The following ITIH5 variants were observed in gnomAD, a reference collection of about 807,000 sequenced individuals.
ITIH5 encodes the protein inter-alpha-trypsin inhibitor heavy chain 5.
ITIH5 carries 65 observed loss-of-function variants against 77.5 expected under a neutral mutation model. That is an observed-to-expected ratio of 0.84 (90% CI 0.69 to 1.03). The LOEUF (loss-of-function observed/expected upper bound fraction) is 1.03. ITIH5 is among the 50% of genes least tolerant of loss of function. ITIH5 has a pLI of 0.00. For synonymous variants in ITIH5, 525 were observed against 494.3 expected (o/e 1.06, Z -0.82); for missense variants, 1,208 against 1,213.1 (o/e 1.00, Z 0.06).
chr10:7,628,368 C>T (rs1833621064), intron 5 of ITIH5, among the ~76,000 whole-genome samples: 1 of 152,242 alleles, frequency 6.6e-6, no homozygotes, highest in South Asian at 2.1e-4. Flanking sequence ...TAAATGGAAT[C>T]ATACACATGT....
At chr10:7,612,021 T>G (rs1170682657) in intron 7 of ITIH5, among the ~76,000 whole-genome samples, 1 of 152,012 alleles carries the variant, frequency 6.6e-6, no homozygotes. Flanking sequence ...TGTTATAAAT[T>G]GGCACAGACT....
intron 5 of ITIH5, among the ~76,000 whole-genome samples, chr10:7,626,710 G>C (rs1229711781): frequency 1.3e-5 from 2 of 152,168 alleles, no homozygotes; most frequent in South Asian, 2.1e-4. Flanking sequence ...TAATTTCCTA[G>C]TGCAAGCATG....
In ITIH5 at chr10:7,575,449, G is replaced by C. The variant is rs117524320; in HGVS notation, c.1978+1004C>G. Among the ~76,000 whole-genome samples the C allele has an allele frequency of 1.9e-4, 29 of 152,316 alleles. No homozygotes were observed. The East Asian group carries it at 4.1e-3, about 21-fold the overall frequency. On this transcript the variant is annotated intron_variant, in intron 10 of 13. Coordinates refer to ENST00000397146, the MANE Select transcript of ITIH5 (RefSeq NM_030569.7). ...GCAGAGTAGGGTCCGACCAAACTCAGTTTCCTCTCCTAGGAGAGAGAACTT... is the reference window on the plus strand; with the variant it reads ...GCAGAGTAGGGTCCGACCAAACTCACTTTCCTCTCCTAGGAGAGAGAACTT...
rs760629768 is a variant in ITIH5, at chr10:7,655,640, C to A, written c.126G>T (p.Leu42Phe). The A allele has an allele frequency of 6.2e-7, 1 of 1,612,430 alleles. No homozygotes were observed. The highest frequency in any genetic ancestry group is 8.5e-7 in the Non-Finnish European group (1 of 1,178,520). Reference protein sequence around the residue: ...GLRVPRQVRLLQRLKTKPLMT... With the variant: ...GLRVPRQVRLFQRLKTKPLMT... ...CCATGAATATACCTACCAGCCTCTG[C>A]AACAGTCTGACTTGCCTCGGGACCC... Residue 42 changes from leucine to phenylalanine, a missense_variant, in exon 2 of 14, where the codon TTG (leucine) becomes TTT (phenylalanine). Transcript: ENST00000397146.
chr10:7,660,652 T>A (rs1452644355), intron 1 of ITIH5, among the ~76,000 whole-genome samples: 3 of 152,200 alleles, frequency 2.0e-5, no homozygotes, highest in African/African-American at 4.8e-5. Context: ...CTTCCCAGGA[T>A]CCACCGGAGC....
At chr10:7,586,143 C>A in intron 7 of ITIH5, 74 bp from the exon 8 acceptor site, 8 of 1,322,278 alleles carry the variant, frequency 6.1e-6, no homozygotes, top group Non-Finnish European at 8.1e-6. Flanking sequence ...TAGAAACCGC[C>A]CCCGCCCCCC....
chr10:7,649,054 C>G (rs191281778), intron 2 of ITIH5, among the ~76,000 whole-genome samples: 1 of 152,096 alleles, frequency 6.6e-6, no homozygotes, highest in African/African-American at 2.4e-5. Flanking sequence ...CAATTAGGCA[C>G]GAGTCTATCC....
intron 2 of ITIH5, among the ~76,000 whole-genome samples, chr10:7,643,082 G>A (rs7074901): frequency 0.021 from 3,265 of 152,234 alleles, 125 homozygotes; most frequent in African/African-American, 0.075. Flanking sequence ...ATGCCCTTAA[G>A]AGAGGAGACA....
At chr10:7,582,088 G>A (rs191009687) in intron 8 of ITIH5, among the ~76,000 whole-genome samples, 493 of 152,016 alleles carry the variant, frequency 3.2e-3, no homozygotes, top group Middle Eastern at 0.031. Flanking sequence ...TGTTGGCCAG[G>A]CTGGTCTTGA....
Position 7,642,053 on chromosome 10 carries a change from GA to G in ITIH5, c.172del (p.Ser58LeufsTer17). The G allele has an allele frequency of 6.2e-7, 1 of 1,614,066 alleles. No individual in the cohort carries two copies. Among genetic ancestry groups the G allele is most frequent in the Non-Finnish European group, 8.5e-7 (1 of 1,179,940 alleles). Reference protein sequence around the residue: ...KPLMTEFSVKSTIISRYAFTT... With the variant: ...KPLMTEFSVKXTIISRYAFTT... Reference sequence around the variant, plus strand: ...GAAGGCATAACGGGAAATGATGGTAGACTTCACTGAGAATTCTGTCATCAAA... The same window carrying G: ...GAAGGCATAACGGGAAATGATGGTAGCTTCACTGAGAATTCTGTCATCAAA... On this transcript the variant is annotated frameshift_variant, in exon 3 of 14. Transcript: ENST00000397146. LOFTEE classifies it high-confidence loss of function.
rs138035815 is a variant in ITIH5, at chr10:7,573,235, AAAG to A, written c.1979-43_1979-41del. The stretch of plus-strand genomic sequence containing the variant: ...GAAGAGAACATCATGGTCATTCCTT[AAAG>A]AAGATGAAGAGAGAGGTGCAAAGGG... On this transcript the variant is annotated intron_variant, in intron 10 of 13. Transcript: ENST00000397146. 704 of 1,552,810 alleles carry A rather than the reference AAAG, an allele frequency of 4.5e-4. 4 individuals carry two copies. The East Asian group carries it at 9.1e-3, about 20-fold the overall frequency.
chr10:7,623,839 T>G (rs1183776391), intron 5 of ITIH5, among the ~76,000 whole-genome samples: 3 of 150,798 alleles, frequency 2.0e-5, no homozygotes, highest in African/African-American at 7.3e-5. Context: ...TTCATAAGTC[T>G]CTTACTATCC....
intron 7 of ITIH5, among the ~76,000 whole-genome samples, chr10:7,605,534 C>A (rs1289839354): frequency 5.0e-4 from 21 of 42,122 alleles, no homozygotes; most frequent in African/African-American, 1.4e-3. Context: ...ATACCTAGCA[C>A]CCCACCCCCA....
At position 7,582,556 on chromosome 10, in the gene ITIH5, C is replaced by T. The variant is rs1832587117; in HGVS notation, c.1109-2492G>A. Among the ~76,000 whole-genome samples, 3 of 152,076 alleles carry T rather than the reference C, an allele frequency of 2.0e-5. No individual in the cohort carries two copies. The South Asian group carries it at 6.2e-4, about 31-fold the overall frequency. ...TTGTAGTAAATTTAGAGTTTGATGA[C>T]CATCACCACCATCCATCATCCTGAC... On this transcript the variant is annotated intron_variant, in intron 8 of 13. Coordinates refer to ENST00000397146, the MANE Select transcript of ITIH5 (RefSeq NM_030569.7).
intron 7 of ITIH5, among the ~76,000 whole-genome samples, chr10:7,594,885 G>A (rs1832864099): frequency 6.6e-6 from 1 of 152,180 alleles, no homozygotes; most frequent in African/African-American, 2.4e-5. Flanking sequence ...GGCACCTGTG[G>A]GCCTCACTGA....
At chr10:7,631,537 A>C (rs1325716522) in intron 5 of ITIH5, among the ~76,000 whole-genome samples, 1 of 152,202 alleles carries the variant, frequency 6.6e-6, no homozygotes, top group African/African-American at 2.4e-5. Context: ...AACGAGCTTA[A>C]GACTGTATTA....
intron 7 of ITIH5, among the ~76,000 whole-genome samples, chr10:7,598,722 T>C (rs1385732607): frequency 6.6e-6 from 1 of 152,138 alleles, no homozygotes; most frequent in Non-Finnish European, 1.5e-5. Flanking sequence ...TATTTCTTCA[T>C]AGCAAGACAA....
intron 5 of ITIH5, among the ~76,000 whole-genome samples, chr10:7,623,578 C>T (rs866258907): frequency 2.2e-4 from 34 of 151,696 alleles, no homozygotes; most frequent in Admixed American, 2.0e-4. Flanking sequence ...CCAAGGCAGG[C>T]GGATCACAAG....
chr10:7,571,573 T>A (rs187264965), intron 11 of ITIH5: 3 of 152,084 alleles, frequency 2.0e-5, no homozygotes, highest in Non-Finnish European at 4.4e-5. Flanking sequence ...TGCACCACCA[T>A]GCCCAGCTAA....
Sources: allele counts gnomAD v4.1 joint callset (sites outside exome capture counted in the v4.1 genomes callset), GRCh38; gene constraint gnomAD v4.1.1; transcripts MANE v1.5; gene names NCBI Gene and HGNC (gene_info 2026-07-23, HGNC 2026-07-21).